Variants in TLN2 observed in about 807,000 individuals in gnomAD.
The protein encoded by TLN2 is talin 2.
TLN2 carries 118 observed loss-of-function variants against 294.7 expected under a neutral mutation model. The ratio of observed to expected loss-of-function variants is 0.40; its 90% confidence interval spans 0.34 to 0.47. The LOEUF is 0.47. Ranked by LOEUF, TLN2 falls within the 20% of genes least tolerant of loss-of-function variation. The pLI, the probability that TLN2 is intolerant of heterozygous loss-of-function variation, is 0.84. For synonymous variants in TLN2, 1,431 were observed against 1,304.5 expected (o/e 1.10, Z -2.09); for missense variants, 3,083 against 3,282.2 (o/e 0.94, Z 1.48).
chr15:62,440,782 A>T (rs2035507568), intron 1 of TLN2, among the ~76,000 whole-genome samples: 1 of 152,196 alleles, frequency 6.6e-6, no homozygotes, highest in African/African-American at 2.4e-5. Context: ...TACATCTCTT[A>T]TCCCTTCAAA....
chr15:62,712,368 A>G (rs550247824), intron 22 of TLN2, among the ~76,000 whole-genome samples: 9 of 152,298 alleles, frequency 5.9e-5, no homozygotes, highest in African/African-American at 2.2e-4. Flanking sequence ...GTGGTGACTA[A>G]TTTAAACCTG....
At chr15:62,551,970 G>A (rs999230307) in intron 1 of TLN2, among the ~76,000 whole-genome samples, 2 of 152,176 alleles carry the variant, frequency 1.3e-5, no homozygotes, top group African/African-American at 4.8e-5. Flanking sequence ...GGTACAAGAA[G>A]GCACACTTAA....
At position 62,708,647 on chromosome 15, in the gene TLN2, C is replaced by T. The variant is rs761347835; in HGVS notation, c.2318C>T (p.Ala773Val). The T allele has an allele frequency of 1.6e-5, 26 of 1,614,198 alleles. No individual in the cohort carries two copies. Among genetic ancestry groups the T allele is most frequent in the Non-Finnish European group, 1.9e-5 (23 of 1,180,044 alleles). Residue 773 changes from alanine (A) to valine (V), a missense_variant, in exon 21 of 59, where the codon GCG becomes GTG. Coordinates refer to ENST00000636159, the MANE Select transcript of TLN2 (RefSeq NM_015059.3). ...GAGCTCCTGAAGCAGGTCAGCGCAGCGGCCAGCGTGGTCAGCCAGGCCCTC... is the reference window on the plus strand; with the variant it reads ...GAGCTCCTGAAGCAGGTCAGCGCAGTGGCCAGCGTGGTCAGCCAGGCCCTC... ...DSELLKQVSA[A>V]ASVVSQALHD...
intron 23 of TLN2, among the ~76,000 whole-genome samples, chr15:62,717,181 G>A (rs1240945082): frequency 1.3e-5 from 2 of 152,202 alleles, no homozygotes; most frequent in African/African-American, 2.4e-5. Flanking sequence ...TGAGTGCTGA[G>A]AGAGGAGAGT....
Position 62,840,691 on chromosome 15 carries a change from T to C in TLN2, c.*81T>C. ...CAGTGTTCCTGAGAGGCTGGGCACT[T>C]AGCTGGAAACCGCCCACCTCCCTCC... On this transcript the variant is annotated 3_prime_UTR_variant, in exon 59 of 59. Coordinates refer to ENST00000636159, the MANE Select transcript of TLN2 (RefSeq NM_015059.3). 6.5e-7 allele frequency: 1 copy of C among 1,534,900 alleles called. No individual in the cohort carries two copies. Among genetic ancestry groups the C allele is most frequent in the Non-Finnish European group, 8.8e-7 (1 of 1,142,340 alleles).
intron 31 of TLN2, 200 bp from the exon 32 acceptor site, chr15:62,740,430 A>G (rs948095957): frequency 8.1e-6 from 5 of 616,834 alleles, no homozygotes; most frequent in African/African-American, 1.8e-5. Flanking sequence ...TGTGGCATGC[A>G]TCTTGATCTG....
chr15:62,603,435 TAG>T (rs141901652), intron 2 of TLN2, among the ~76,000 whole-genome samples: 137 of 148,348 alleles, frequency 9.2e-4, no homozygotes, highest in Middle Eastern at 6.9e-3. Context: ...TGTAGTGGCA[TAG>T]AGAGAGAGAG....
At chr15:62,503,436 T>C (rs10519152) in intron 1 of TLN2, among the ~76,000 whole-genome samples, 18,153 of 152,256 alleles carry the variant, frequency 0.12, 1,141 homozygotes, top group African/African-American at 0.14. Flanking sequence ...ATTTCTCCGC[T>C]TAACCCATGT....
intron 1 of TLN2, among the ~76,000 whole-genome samples, chr15:62,455,953 C>T (rs918845639): frequency 2.0e-5 from 3 of 152,144 alleles, no homozygotes; most frequent in Admixed American, 2.0e-4. Context: ...CCAGTGCAGC[C>T]AGCCCTGCTC....
chr15:62,574,521 C>T (rs571162722), intron 1 of TLN2, among the ~76,000 whole-genome samples: 1 of 122,076 alleles, frequency 8.2e-6, no homozygotes, highest in Non-Finnish European at 1.6e-5. Flanking sequence ...TTTGTGGTTA[C>T]AGTGAGCTAT....
intron 1 of TLN2, among the ~76,000 whole-genome samples, chr15:62,399,256 CAAAAA>C (rs546678440): frequency 1.2e-4 from 7 of 58,434 alleles, no homozygotes; most frequent in Admixed American, 6.1e-4. Context: ...CCGTCTCAAA[CAAAAA>C]AAAAAAAAAA....
chr15:62,711,829 G>T, intron 21 of TLN2, 82 bp from the exon 22 acceptor site: 1 of 1,478,404 alleles, frequency 6.8e-7, no homozygotes. Context: ...GAGGAGTAGA[G>T]ACAAGACTGT....
rs765874195 is a variant in TLN2, at chr15:62,753,820, C to T, written c.4380C>T (p.His1460=). ...GISDPNSQAG[H]QGLVDPIQFA... ...CTGATCCAAACAGCCAGGCAGGCCA[C>T]CAGGGCCTGGTGGACCCCATCCAGT... Residue 1460 remains histidine (H), a synonymous_variant, in exon 36 of 59, where the codon CAC becomes CAT. Transcript: ENST00000636159. 1 of 1,612,340 alleles carries T rather than the reference C, an allele frequency of 6.2e-7. No individual in the cohort carries two copies. Among genetic ancestry groups the T allele is most frequent in the Non-Finnish European group, 8.5e-7 (1 of 1,179,282 alleles).
chr15:62,640,380 AG>A (rs1275902171), intron 3 of TLN2: 3 of 456,640 alleles, frequency 6.6e-6, no homozygotes, highest in African/African-American at 4.0e-5. Context: ...CAGAGAGAAG[AG>A]GGGGACGGTG....
chr15:62,577,300 G>A (rs993730777), intron 1 of TLN2, among the ~76,000 whole-genome samples: 4 of 152,004 alleles, frequency 2.6e-5, no homozygotes, highest in Admixed American at 6.6e-5. Context: ...AAAATTAGCC[G>A]GGTGTGGTGG....
intron 1 of TLN2, among the ~76,000 whole-genome samples, chr15:62,486,448 CTTTGTTT>C (rs1311089598): frequency 9.4e-5 from 10 of 106,700 alleles, no homozygotes; most frequent in African/African-American, 3.6e-4. Context: ...GGAACAGTTC[CTTTGTTT>C]TTTTTTTTTT....
chr15:62,405,991 T>A (rs906534556), intron 1 of TLN2, among the ~76,000 whole-genome samples: 3 of 152,128 alleles, frequency 2.0e-5, no homozygotes, highest in Admixed American at 2.0e-4. Flanking sequence ...TTTATGAATG[T>A]GCCTGGTGAA....
At chr15:62,483,357 G>T (rs919696772) in intron 1 of TLN2, among the ~76,000 whole-genome samples, 1 of 152,204 alleles carries the variant, frequency 6.6e-6, no homozygotes, top group African/African-American at 2.4e-5. Flanking sequence ...CTTCTGTGTT[G>T]TAGTCAGCAC....
At chr15:62,788,590 T>C (rs2141105287) in intron 45 of TLN2, among the ~76,000 whole-genome samples, 1 of 152,324 alleles carries the variant, frequency 6.6e-6, no homozygotes, top group African/African-American at 2.4e-5. Context: ...AAACCCAGGC[T>C]CAGGGAACTT....
Sources: allele counts gnomAD v4.1 joint callset (sites outside exome capture counted in the v4.1 genomes callset), GRCh38; gene constraint gnomAD v4.1.1; transcripts MANE v1.5; gene names NCBI Gene and HGNC (gene_info 2026-07-23, HGNC 2026-07-21).